The following HPSE2 variants were observed in gnomAD, a reference collection of about 807,000 sequenced individuals.
HPSE2 encodes the protein inactive heparanase-2.
In HPSE2, 38 loss-of-function variants were observed where a neutral mutation model predicts 60.5. The ratio of observed to expected loss-of-function variants is 0.63; its 90% CI spans 0.48 to 0.82. HPSE2 has a LOEUF of 0.82. Among genes scored for constraint, HPSE2 ranks in the 40% least tolerant of loss-of-function variants. The probability of loss-of-function intolerance (pLI) is 0.00; values close to 1 mark genes in which losing one functional copy is unlikely to be tolerated. For synonymous variants in HPSE2, 295 were observed against 293.2 expected, an observed-to-expected ratio of 1.01 and a Z score of -0.06; for missense variants, 713 against 740.4, an observed-to-expected ratio of 0.96 and a Z score of 0.43.
At chr10:98,507,892 A>T (rs1226102546) in intron 9 of HPSE2, among the ~76,000 whole-genome samples, 1 of 152,236 alleles carries the variant, frequency 6.6e-6, no homozygotes, top group Non-Finnish European at 1.5e-5. Context: ...AGGCAATGAC[A>T]TGAAAATGCA....
At chr10:99,315,890 T>C in the HPSE2 span, among the ~76,000 whole-genome samples, 52 of 152,284 alleles carry the variant, frequency 3.4e-4, no homozygotes, top group South Asian at 3.7e-3. Flanking sequence ...TCCCTCCCCA[T>C]TAGTCCCTCT....
chr10:98,983,219 T>G (rs1319150366), intron 3 of HPSE2, among the ~76,000 whole-genome samples: 2 of 152,194 alleles, frequency 1.3e-5, no homozygotes, highest in Non-Finnish European at 2.9e-5. Context: ...TAATATACAA[T>G]GAAATAATTA....
At chr10:99,039,848 C>T (rs1957696988) in intron 3 of HPSE2, among the ~76,000 whole-genome samples, 1 of 152,114 alleles carries the variant, frequency 6.6e-6, no homozygotes, top group African/African-American at 2.4e-5. Context: ...GAAGTCAGCT[C>T]TTTAATCCAA....
At chr10:98,617,282 AT>A in intron 8 of HPSE2, among the ~76,000 whole-genome samples, 2 of 152,306 alleles carry the variant, frequency 1.3e-5, no homozygotes, top group South Asian at 4.1e-4. Flanking sequence ...TGTTTTCAGA[AT>A]TGAGAAGATA....
chr10:98,525,345 T>C (rs1942932520), intron 9 of HPSE2, among the ~76,000 whole-genome samples: 1 of 152,212 alleles, frequency 6.6e-6, no homozygotes, highest in Non-Finnish European at 1.5e-5. Flanking sequence ...GTCCCGCATT[T>C]CATGGCCCAT....
the HPSE2 span, among the ~76,000 whole-genome samples, chr10:99,302,655 G>A: frequency 4.6e-5 from 7 of 152,048 alleles, no homozygotes; most frequent in Non-Finnish European, 7.4e-5. Context: ...TCCCAAGGCT[G>A]AGCAATGGAA....
At chr10:98,554,535 C>T (rs1943950406) in intron 9 of HPSE2, among the ~76,000 whole-genome samples, 1 of 152,106 alleles carries the variant, frequency 6.6e-6, no homozygotes, top group African/African-American at 2.4e-5. Context: ...TGGTCGGAGA[C>T]TCCATCTTGT....
At chr10:98,702,362 G>A (rs1373859117) in intron 5 of HPSE2, among the ~76,000 whole-genome samples, 1 of 151,976 alleles carries the variant, frequency 6.6e-6, no homozygotes, top group African/African-American at 2.4e-5. Flanking sequence ...AATAATAGTG[G>A]GAGACTTTAA....
At chr10:99,073,703 T>A (rs1244348629) in intron 3 of HPSE2, among the ~76,000 whole-genome samples, 1 of 152,240 alleles carries the variant, frequency 6.6e-6, no homozygotes, top group African/African-American at 2.4e-5. Flanking sequence ...TGTCTCTCCA[T>A]GTATGTGTGT....
At chr10:98,513,138 G>T (rs1266538003) in intron 9 of HPSE2, among the ~76,000 whole-genome samples, 3 of 152,138 alleles carry the variant, frequency 2.0e-5, no homozygotes, top group Non-Finnish European at 4.4e-5. Context: ...GAACATAAGG[G>T]TTTTCAATAA....
chr10:99,260,977 G>A, the HPSE2 span, among the ~76,000 whole-genome samples: 4 of 152,038 alleles, frequency 2.6e-5, no homozygotes, highest in East Asian at 1.9e-4. Flanking sequence ...GTACAAACTC[G>A]ACAGTGGTTC....
chr10:98,515,365 C>A (rs1942568258), intron 9 of HPSE2, among the ~76,000 whole-genome samples: 1 of 152,110 alleles, frequency 6.6e-6, no homozygotes, highest in African/African-American at 2.4e-5. Flanking sequence ...GTTCAATGAT[C>A]ATTATAGCAT....
intron 3 of HPSE2, among the ~76,000 whole-genome samples, chr10:99,059,395 C>A (rs1335229883): frequency 6.6e-6 from 1 of 152,134 alleles, no homozygotes; most frequent in Non-Finnish European, 1.5e-5. Flanking sequence ...AAATAAATTT[C>A]TTCACTACTT....
At chr10:98,648,926 C>T (rs953928805) in intron 6 of HPSE2, among the ~76,000 whole-genome samples, 3 of 152,116 alleles carry the variant, frequency 2.0e-5, no homozygotes, top group African/African-American at 7.2e-5. Context: ...CTCATAGCAA[C>T]CTGCCCCCAT....
intron 10 of HPSE2, among the ~76,000 whole-genome samples, chr10:98,487,867 T>A (rs1941496933): frequency 6.6e-6 from 1 of 152,268 alleles, no homozygotes; most frequent in Non-Finnish European, 1.5e-5. Flanking sequence ...ATACTTCTTC[T>A]ACCTTTGAGC....
At chr10:98,779,191 C>A (rs764335877) in intron 3 of HPSE2, among the ~76,000 whole-genome samples, 11 of 152,150 alleles carry the variant, frequency 7.2e-5, no homozygotes, top group Non-Finnish European at 1.5e-4. Flanking sequence ...CTTAGTGTCT[C>A]ATTTTCCATC....
At chr10:98,857,679 A>T (rs1299144405) in intron 3 of HPSE2, among the ~76,000 whole-genome samples, 1 of 152,160 alleles carries the variant, frequency 6.6e-6, no homozygotes, top group African/African-American at 2.4e-5. Context: ...AATAATTAGA[A>T]GCAAAGATGA....
intron 5 of HPSE2, among the ~76,000 whole-genome samples, chr10:98,702,951 T>C (rs955636891): frequency 3.3e-5 from 5 of 151,150 alleles, no homozygotes; most frequent in African/African-American, 7.3e-5. Flanking sequence ...TTGAAGGAGA[T>C]AGATGCATGA....
chr10:98,821,996 A>G (rs757245680), intron 3 of HPSE2, among the ~76,000 whole-genome samples: 7 of 152,180 alleles, frequency 4.6e-5, no homozygotes, highest in Non-Finnish European at 8.8e-5. Context: ...TAACAATTGC[A>G]TTTTTTGCCC....
Sources: gnomAD v4.1 joint callset for allele counts (sites outside exome capture counted in the v4.1 genomes callset) on GRCh38, gnomAD v4.1.1 for gene constraint, MANE v1.5 for transcripts, NCBI Gene and HGNC (gene_info 2026-07-23, HGNC 2026-07-21) for gene names.